RAD51B: variants seen among roughly 807,000 people sequenced by gnomAD.
RAD51B encodes the protein RAD51 paralog B.
A neutral mutation model predicts 42.2 loss-of-function variants in RAD51B; 38 were observed. That is an observed-to-expected ratio of 0.90 (90% confidence interval 0.70 to 1.18). The LOEUF (loss-of-function observed/expected upper bound fraction) is 1.18. Ranked by LOEUF, RAD51B falls within the 50% of genes most tolerant of loss-of-function variation. The pLI is 0.00. For synonymous variants in RAD51B, 154 were observed against 145.2 expected, an observed-to-expected ratio of 1.06 and a Z score of -0.43; for missense variants, 373 against 400.7, an observed-to-expected ratio of 0.93 and a Z score of 0.59.
chr14:68,184,661 T>C (rs934419035), intron 7 of RAD51B, among the ~76,000 whole-genome samples: 1 of 145,454 alleles, frequency 6.9e-6, no homozygotes, highest in African/African-American at 2.5e-5. Flanking sequence ...AGGAGAACAA[T>C]TGTTTCAGAG....
intron 10 of RAD51B, among the ~76,000 whole-genome samples, chr14:68,526,950 C>T (rs1174169213): frequency 6.6e-6 from 1 of 152,212 alleles, no homozygotes; most frequent in Non-Finnish European, 1.5e-5. Context: ...GGCCAGCCTG[C>T]CCTGACAACA....
intron 7 of RAD51B, among the ~76,000 whole-genome samples, chr14:68,127,672 T>A (rs2077797023): frequency 6.8e-6 from 1 of 147,788 alleles, no homozygotes; most frequent in Non-Finnish European, 1.5e-5. Flanking sequence ...CAGTAATGCT[T>A]TTTGTCCCTG....
intron 7 of RAD51B, among the ~76,000 whole-genome samples, chr14:68,139,781 C>T (rs1033018840): frequency 2.0e-5 from 3 of 152,244 alleles, no homozygotes; most frequent in African/African-American, 7.2e-5. Context: ...ACAATTGGCA[C>T]TGGCCCTGAT....
intron 8 of RAD51B, among the ~76,000 whole-genome samples, chr14:68,406,015 G>A (rs1278460873): frequency 1.3e-5 from 2 of 152,084 alleles, no homozygotes; most frequent in Non-Finnish European, 2.9e-5. Context: ...AGCTAAGCAA[G>A]ATAGAATTAA....
chr14:68,453,069 T>G (rs2085598742), intron 9 of RAD51B, among the ~76,000 whole-genome samples: 1 of 152,208 alleles, frequency 6.6e-6, no homozygotes, highest in African/African-American at 2.4e-5. Context: ...TGTGCACATG[T>G]GTGTGTATGT....
intron 10 of RAD51B, among the ~76,000 whole-genome samples, chr14:68,586,915 G>C (rs1206695836): frequency 6.6e-6 from 1 of 152,080 alleles, no homozygotes. Flanking sequence ...TGAGGCAGGA[G>C]AATCACTTGA....
chr14:68,427,545 C>T (rs371163234), intron 9 of RAD51B, among the ~76,000 whole-genome samples: 3 of 152,292 alleles, frequency 2.0e-5, no homozygotes, highest in African/African-American at 4.8e-5. Flanking sequence ...GGATCAGTTA[C>T]TCCTTTCTTT....
intron 7 of RAD51B, among the ~76,000 whole-genome samples, chr14:68,274,220 C>G (rs1307462643): frequency 6.6e-6 from 1 of 152,090 alleles, no homozygotes; most frequent in African/African-American, 2.4e-5. Flanking sequence ...TCACTCTTCC[C>G]CTTCTTTTTT....
chr14:68,423,003 A>G (rs565157969), intron 9 of RAD51B, among the ~76,000 whole-genome samples: 2 of 152,270 alleles, frequency 1.3e-5, no homozygotes, highest in South Asian at 4.1e-4. Flanking sequence ...TTACCTTGGC[A>G]GAGCTTAAGA....
At chr14:68,090,483 T>A (rs2140515550) in intron 7 of RAD51B, among the ~76,000 whole-genome samples, 1 of 152,214 alleles carries the variant, frequency 6.6e-6, no homozygotes, top group Admixed American at 6.5e-5. Flanking sequence ...CTTAGGGCCT[T>A]GGTTTGTAGA....
chr14:67,931,889 C>G (rs528294623), intron 7 of RAD51B, among the ~76,000 whole-genome samples: 1 of 152,254 alleles, frequency 6.6e-6, no homozygotes, highest in African/African-American at 2.4e-5. Context: ...TTTGCTTTTT[C>G]ATGTTTTCTA....
chr14:67,999,790 A>G (rs1299056556), intron 7 of RAD51B, among the ~76,000 whole-genome samples: 2 of 152,214 alleles, frequency 1.3e-5, no homozygotes, highest in Non-Finnish European at 2.9e-5. Context: ...TTATTACTAT[A>G]GAAATCTTCA....
chr14:67,904,660 C>T (rs1331517948), intron 7 of RAD51B, among the ~76,000 whole-genome samples: 1 of 151,660 alleles, frequency 6.6e-6, no homozygotes, highest in East Asian at 1.9e-4. Context: ...CATGCCACCA[C>T]ACCCAGCTAA....
chr14:68,168,627 T>C (rs1206556687), intron 7 of RAD51B, among the ~76,000 whole-genome samples: 2 of 152,132 alleles, frequency 1.3e-5, no homozygotes. Flanking sequence ...TTGCATGCCT[T>C]TCACTCAGCC....
intron 7 of RAD51B, among the ~76,000 whole-genome samples, chr14:67,946,667 A>G (rs2045406275): frequency 6.6e-6 from 1 of 152,216 alleles, no homozygotes; most frequent in Non-Finnish European, 1.5e-5. Context: ...CACTTGGCCA[A>G]AAGAGTTCTT....
chr14:68,308,504 A>G (rs1456786323), intron 8 of RAD51B, among the ~76,000 whole-genome samples: 1 of 152,164 alleles, frequency 6.6e-6, no homozygotes, highest in Non-Finnish European at 1.5e-5. Flanking sequence ...CAAGCAGCTT[A>G]CGAAAATAAT....
At position 68,682,910 on chromosome 14, in the gene RAD51B, C is replaced by CTTTTTTT. The variant is rs535044457; in HGVS notation, c.*11+32068_*11+32074dup. 3.6e-4 allele frequency: 252 copies of CTTTTTTT among 701,124 alleles called. 2 individuals carry two copies. Among genetic ancestry groups the CTTTTTTT allele is most frequent in the East Asian group, 2.2e-3 (11 of 5,030 alleles). 43.4% of individuals were successfully genotyped at this position (701,124 alleles called of 1,614,324 possible). A position where few individuals can be genotyped will look rare whatever the true frequency, so the allele number is the denominator to read the frequency against. On this transcript the variant is annotated intron_variant, in intron 11 of 11. Coordinates refer to the RAD51B transcript ENST00000488612. The stretch of plus-strand genomic sequence containing the variant: ...TTTAATAAAAATCTGTAGCTTATGG[C>CTTTTTTT]TTTTTTTTTTTTTTTTTTTTGTATA...
chr14:67,894,653 CTCTG>C (rs2043347428), intron 7 of RAD51B, among the ~76,000 whole-genome samples: 1 of 152,154 alleles, frequency 6.6e-6, no homozygotes, highest in Non-Finnish European at 1.5e-5. Flanking sequence ...TAAGTAACTT[CTCTG>C]TCTGTCCTTT....
chr14:68,357,150 C>T lies in RAD51B; in HGVS notation c.854-54274C>T, dbSNP rs546361288. ...TCAAACCCTGCCACTGCTTTGTCAA[C>T]TAAGTTTCTGTGATATTCTAAATCC... On this transcript the variant is annotated intron_variant, in intron 8 of 10. Transcript: ENST00000471583. Among the ~76,000 whole-genome samples the T allele has an allele frequency of 4.6e-5, 7 of 152,338 alleles. No individual in the cohort carries two copies. The East Asian group carries it at 1.3e-3, about 29-fold the overall frequency.
Sources: allele counts gnomAD v4.1 joint callset (sites outside exome capture counted in the v4.1 genomes callset), GRCh38; gene constraint gnomAD v4.1.1; transcripts MANE v1.5; gene names NCBI Gene and HGNC (gene_info 2026-07-23, HGNC 2026-07-21).